Variants in LRRC59 observed in about 807,000 individuals in gnomAD.
The protein encoded by LRRC59 is leucine rich repeat containing 59.
In LRRC59, 18 loss-of-function variants were observed where a neutral mutation model predicts 33.5. The ratio of observed to expected loss-of-function variants is 0.54; its 90% CI spans 0.37 to 0.80. LRRC59 has a LOEUF of 0.80. Ranked by LOEUF, LRRC59 falls within the 30% of genes least tolerant of loss-of-function variation. The pLI is 0.00. For missense variants in LRRC59, 330 were observed against 391.9 expected (o/e 0.84, Z 1.33); for synonymous variants, 138 against 160.0 (o/e 0.86, Z 1.04).
At chr17:50,383,477 T>G (rs1598367449) in intron 6 of LRRC59, among the ~76,000 whole-genome samples, 1 of 152,176 alleles carries the variant, frequency 6.6e-6, no homozygotes, top group East Asian at 1.9e-4. Context: ...CTCACAGCCC[T>G]CAGGGTCCTA....
intron 2 of LRRC59, 61 bp downstream of exon 2, chr17:50,394,868 G>GA: frequency 2.2e-6 from 2 of 889,906 alleles, no homozygotes; most frequent in South Asian, 2.1e-5. Flanking sequence ...CTCAACCCCC[G>GA]AAACAGGAAG....
At chr17:50,389,238 G>A (rs1045106364) in intron 4 of LRRC59, among the ~76,000 whole-genome samples, 1 of 152,138 alleles carries the variant, frequency 6.6e-6, no homozygotes, top group Admixed American at 6.5e-5. Context: ...ACATAAACTC[G>A]CTCATGGATG....
rs1914168251 is a variant in LRRC59 at position 50,392,424 on chromosome 17, T to G, written c.403A>C (p.Lys135Gln). The G allele has an allele frequency of 1.2e-6, 2 of 1,614,010 alleles. No individual in the cohort carries two copies. Among genetic ancestry groups the G allele is most frequent in the Non-Finnish European group, 1.7e-6 (2 of 1,179,998 alleles). The part of the protein sequence containing the change: ...AKVAGDCLDE[K>Q]QCKQCANKVL... ...TTGTTTGCACACTGCTTACACTGCT[T>G]CTCATCCAAGCAGTCACCTGCCACC... Residue 135 changes from lysine (K) to glutamine (Q), a missense_variant, in exon 4 of 7, where the codon AAG becomes CAG. By Grantham distance (53) the Lys-to-Gln change is moderately conservative. Transcript: ENST00000225972.
Position 50,382,601 on chromosome 17 carries a change from G to A in LRRC59, c.*387C>T, listed in dbSNP as rs1598366942. 1 of 210,302 alleles carries A rather than the reference G, an allele frequency of 4.8e-6. No homozygotes were observed. The highest frequency in any genetic ancestry group is 1.2e-4 in the East Asian group (1 of 8,298). The allele number at this position is 210,302 out of a possible 1,614,324, so 13.0% of individuals were successfully genotyped here. A position where few individuals can be genotyped will look rare whatever the true frequency, so the allele number is the denominator to read the frequency against. On this transcript the variant is annotated 3_prime_UTR_variant, in exon 7 of 7. Transcript: ENST00000225972. Reference sequence around the variant, plus strand: ...CTCCTGATCTACCCTGATTCCCAGGGAGGAATGAAAGGGTTTGTGGCATAC... The same window carrying A: ...CTCCTGATCTACCCTGATTCCCAGGAAGGAATGAAAGGGTTTGTGGCATAC...
At position 50,387,915 on chromosome 17, in the gene LRRC59, G is replaced by A. The variant is rs1392028106; in HGVS notation, c.502+145C>T. ...GAAGAGAGATTCATCAGATAAAGAC[G>A]ATACCATCCACCACAATACTGTCCC... On this transcript the variant is annotated intron_variant, in intron 5 of 6. Transcript: ENST00000225972. The A allele has an allele frequency of 7.8e-6, 6 of 766,730 alleles. No individual in the cohort carries two copies. In the South Asian group the frequency reaches 9.4e-5, roughly 12 times the overall value. The allele number at this position is 766,730 out of a possible 1,614,324, so 47.5% of individuals were successfully genotyped here.
At chr17:50,391,925 A>AT (rs1275361191) in intron 4 of LRRC59, among the ~76,000 whole-genome samples, 2 of 152,242 alleles carry the variant, frequency 1.3e-5, no homozygotes, top group Non-Finnish European at 2.9e-5. Context: ...CAGGCCAGGC[A>AT]TGGTGGCTCA....
chr17:50,394,850 AC>A (rs1914233657), intron 2 of LRRC59, 78 bp downstream of exon 2: 14 of 519,748 alleles, frequency 2.7e-5, no homozygotes, highest in East Asian at 4.7e-5. Flanking sequence ...ACACCCTCCC[AC>A]CCCCCTCTCA....
rs1451606761 is a variant in LRRC59, at chr17:50,382,960, T to G, written c.*28A>C. The G allele has an allele frequency of 6.2e-7, 1 of 1,604,238 alleles. No individual in the cohort carries two copies. Among genetic ancestry groups the G allele is most frequent in the African/African-American group, 1.3e-5 (1 of 74,728 alleles). On this transcript the variant is annotated 3_prime_UTR_variant, in exon 7 of 7. Transcript: ENST00000225972. Reference sequence around the variant, plus strand: ...TCCATAGGAATCCAAACTCCAAGGCTGGGAGGCAGCAGGTGCTGGGGACAA... The same window carrying G: ...TCCATAGGAATCCAAACTCCAAGGCGGGGAGGCAGCAGGTGCTGGGGACAA...
At chr17:50,386,796 G>A (rs1425769589) in intron 5 of LRRC59, among the ~76,000 whole-genome samples, 1 of 152,210 alleles carries the variant, frequency 6.6e-6, no homozygotes, top group Non-Finnish European at 1.5e-5. Context: ...CCTCCAGTGA[G>A]GGGCTCAGAA....
intron 6 of LRRC59, 21 bp from the exon 7 acceptor site, chr17:50,383,256 G>C (rs546042614): frequency 2.6e-6 from 4 of 1,548,632 alleles, no homozygotes; most frequent in Non-Finnish European, 3.5e-6. Context: ...AGTAACAGTA[G>C]ACAAAGCAAG....
Position 50,397,343 on chromosome 17 carries a change from G to A in LRRC59, c.-26C>T, listed in dbSNP as rs770997690. 2 of 1,579,494 alleles carry A rather than the reference G, an allele frequency of 1.3e-6. No homozygotes were observed. Among genetic ancestry groups the A allele is most frequent in the Non-Finnish European group, 1.7e-6 (2 of 1,157,606 alleles). On this transcript the variant is annotated 5_prime_UTR_variant, in exon 1 of 7. Coordinates refer to ENST00000225972, the MANE Select transcript of LRRC59 (RefSeq NM_018509.4). ...GGTAACGCCGGCTGAGCGGGCCCCG[G>A]CTCCGGGGTTCCGGCGGGTGAAAGG... is the stretch of plus-strand genomic sequence containing the variant.
At chr17:50,394,821 C>A in intron 2 of LRRC59, 108 bp downstream of exon 2, 2 of 813,372 alleles carry the variant, frequency 2.5e-6, no homozygotes, top group South Asian at 3.3e-5. Context: ...GTAGGCCTAT[C>A]CTGAAATTAC....
At chr17:50,393,001 C>A (rs563013028) in intron 2 of LRRC59, 104 bp from the exon 3 acceptor site, 1 of 1,163,210 alleles carries the variant, frequency 8.6e-7, no homozygotes, top group Non-Finnish European at 1.2e-6. Context: ...TAAAACATTA[C>A]GAGATTTTTT....
At chr17:50,384,883 C>A (rs556506734) in intron 6 of LRRC59, among the ~76,000 whole-genome samples, 1 of 152,224 alleles carries the variant, frequency 6.6e-6, no homozygotes, top group African/African-American at 2.4e-5. Flanking sequence ...CAAGATACAT[C>A]TGACCCAAAC....
chr17:50,396,585 AC>A (rs1914279162), intron 1 of LRRC59: 1 of 152,376 alleles, frequency 6.6e-6, no homozygotes, highest in Non-Finnish European at 1.5e-5. Flanking sequence ...CTCCACGCTG[AC>A]AAAACTAGAT....
chr17:50,392,619 G>A (rs1343602729), intron 3 of LRRC59, 117 bp from the exon 4 acceptor site: 1 of 1,461,906 alleles, frequency 6.8e-7, no homozygotes, highest in Non-Finnish European at 9.5e-7. Context: ...CATATAGGGA[G>A]CGCCATCTGA....
chr17:50,384,555 C>G (rs1043721641), intron 6 of LRRC59, among the ~76,000 whole-genome samples: 4 of 152,054 alleles, frequency 2.6e-5, no homozygotes, highest in African/African-American at 4.8e-5. Context: ...TACCTGAGGT[C>G]GGGAGTTTGA....
Position 50,392,873 on chromosome 17 carries a change from G to C in LRRC59, c.190C>G (p.Leu64Val). The change falls in exon 3 of 7, where the codon CTG (leucine) becomes GTG (valine). Residue 64 changes from leucine to valine, a missense_variant. Leu to Val is a conservative substitution (Grantham distance 32). Transcript: ENST00000225972. ...TTCTTACTCAGGTCTAGCTTCACCAGGTGTGTGAGGCCACAGAAATCCGAC... is the reference window on the plus strand; with the variant it reads ...TTCTTACTCAGGTCTAGCTTCACCACGTGTGTGAGGCCACAGAAATCCGAC... ...LPSDFCGLTH[L>V]VKLDLSKNKL... 6.2e-7 allele frequency: 1 copy of C among 1,613,776 alleles called. No individual in the cohort carries two copies.
Position 50,392,734 on chromosome 17 carries a change from G to T in LRRC59, c.324+5C>A. ...GCCATGAAACACTGGTTCATGAATT[G>T]TTACCTTGAGCTGAGCAAAGCTGAC... is the stretch of plus-strand genomic sequence containing the variant. On this transcript the variant is annotated splice_donor_5th_base_variant and intron_variant, in intron 3 of 6. Transcript: ENST00000225972. The T allele has an allele frequency of 6.2e-7, 1 of 1,613,446 alleles. No homozygotes were observed.
Sources: gnomAD v4.1 joint callset for allele counts (sites outside exome capture counted in the v4.1 genomes callset) on GRCh38, gnomAD v4.1.1 for gene constraint, MANE v1.5 for transcripts, NCBI Gene and HGNC (gene_info 2026-07-23, HGNC 2026-07-21) for gene names.